Variants in MTUS2 observed in about 807,000 individuals in gnomAD.
MTUS2 encodes microtubule associated scaffold protein 2.
In MTUS2, 40 loss-of-function variants were observed where a neutral mutation model predicts 114.1. The observed-to-expected ratio is 0.35, with a 90% confidence interval of 0.27 to 0.46. The LOEUF is 0.46. MTUS2 is among the 20% of genes least tolerant of loss of function. MTUS2 has a pLI of 1.00. For synonymous variants in MTUS2, 688 were observed against 672.0 expected (o/e 1.02, Z -0.37); for missense variants, 1,679 against 1,705.4 (o/e 0.98, Z 0.27).
chr13:28,986,696 C>G (rs992278218), intron 2 of MTUS2, among the ~76,000 whole-genome samples: 16 of 152,154 alleles, frequency 1.1e-4, no homozygotes, highest in Admixed American at 7.2e-4. Context: ...TATTACTATT[C>G]CCTTTGTGAA....
chr13:28,983,604 T>G (rs1344922555), intron 2 of MTUS2, among the ~76,000 whole-genome samples: 1 of 152,266 alleles, frequency 6.6e-6, no homozygotes, highest in Non-Finnish European at 1.5e-5. Flanking sequence ...TAAAATTTCA[T>G]GGATGGCTTT....
intron 7 of MTUS2, among the ~76,000 whole-genome samples, chr13:29,359,027 G>A (rs1205156943): frequency 6.6e-6 from 1 of 150,768 alleles, no homozygotes; most frequent in Non-Finnish European, 1.5e-5. Flanking sequence ...AAGGAATTTG[G>A]CAATTTTGTC....
intron 2 of MTUS2, among the ~76,000 whole-genome samples, chr13:29,019,738 G>T (rs1342016445): frequency 6.6e-6 from 1 of 152,202 alleles, no homozygotes; most frequent in Non-Finnish European, 1.5e-5. Flanking sequence ...AGAATGGAAG[G>T]CTTGCTTTCT....
intron 2 of MTUS2, among the ~76,000 whole-genome samples, chr13:28,971,118 T>C (rs1365563636): frequency 1.3e-5 from 2 of 152,172 alleles, no homozygotes; most frequent in African/African-American, 2.4e-5. Flanking sequence ...AAAGTAGAGA[T>C]TGGTGTTGGA....
chr13:29,121,969 A>G (rs113056688), intron 5 of MTUS2, among the ~76,000 whole-genome samples: 374 of 151,856 alleles, frequency 2.5e-3, no homozygotes, highest in African/African-American at 8.6e-3. Flanking sequence ...CCACTTTTTC[A>G]CTTCTAAAAA....
At chr13:29,483,306 CG>C (rs1416814191) in intron 10 of MTUS2, among the ~76,000 whole-genome samples, 1 of 152,220 alleles carries the variant, frequency 6.6e-6, no homozygotes, top group Non-Finnish European at 1.5e-5. Flanking sequence ...TGGGACTCGC[CG>C]GCCGAGGCAG....
chr13:28,944,035 A>G (rs1882384222), intron 2 of MTUS2, among the ~76,000 whole-genome samples: 1 of 152,018 alleles, frequency 6.6e-6, no homozygotes, highest in South Asian at 2.1e-4. Context: ...TACGTAGGCA[A>G]GTCTGTGGTT....
chr13:29,401,605 C>A (rs749566245), intron 8 of MTUS2, among the ~76,000 whole-genome samples: 2 of 152,146 alleles, frequency 1.3e-5, no homozygotes, highest in Non-Finnish European at 2.9e-5. Context: ...ATTGAATACT[C>A]CAGCATCCCC....
chr13:29,329,185 G>C (rs1203819390), intron 7 of MTUS2, among the ~76,000 whole-genome samples: 1 of 152,084 alleles, frequency 6.6e-6, no homozygotes, highest in African/African-American at 2.4e-5. Context: ...AGGATGTGCA[G>C]GTTTGTTACA....
chr13:28,882,902 G>A (rs138177545), intron 2 of MTUS2, among the ~76,000 whole-genome samples: 243 of 152,224 alleles, frequency 1.6e-3, no homozygotes, highest in Non-Finnish European at 3.1e-3. Context: ...TAATCCATAC[G>A]TCCAAAAATA....
intron 2 of MTUS2, among the ~76,000 whole-genome samples, chr13:29,013,739 C>T (rs567035231): frequency 1.3e-4 from 19 of 151,964 alleles, no homozygotes; most frequent in South Asian, 6.3e-4. Context: ...TGTGAGTGGC[C>T]GCAGGCCAGC....
chr13:29,504,356 C>T lies in MTUS2; in HGVS notation c.*1150C>T, dbSNP rs1883096538. 4.3e-6 allele frequency: 1 copy of T among 230,922 alleles called. No homozygotes were observed. The highest frequency in any genetic ancestry group is 2.2e-5 in the African/African-American group (1 of 44,760). 14.3% of individuals were successfully genotyped at this position (230,922 alleles called of 1,614,324 possible). On this transcript the variant is annotated 3_prime_UTR_variant, in exon 16 of 16. Coordinates refer to ENST00000612955, the MANE Select transcript of MTUS2 (RefSeq NM_001033602.4). ...TCTACAACTCAACCCCTTCACTGCA[C>T]ATTGAGATGGCTCAGGGGTTCTAGC...
At position 29,024,916 on chromosome 13, in the gene MTUS2, A is replaced by G; in HGVS notation, c.218A>G (p.His73Arg). Residue 73 changes from histidine (H) to arginine (R), a missense_variant, in exon 3 of 16, where the codon CAT becomes CGT. His to Arg is a conservative substitution (Grantham distance 29, BLOSUM62 0). Around this residue, in one of 3 missense-constraint regions of MTUS2, gnomAD observed 843 missense variants for 770.8 expected, o/e 1.09. Coordinates refer to ENST00000612955, the MANE Select transcript of MTUS2 (RefSeq NM_001033602.4). Reference sequence around the variant, plus strand: ...TCAAGTGAGCCAGAAAACCGTACCCATTTCCATAAGGAATTTCACCAACTT... The same window carrying G: ...TCAAGTGAGCCAGAAAACCGTACCCGTTTCCATAAGGAATTTCACCAACTT... ...TNSSEPENRT[H>R]FHKEFHQLQG... 1 of 1,613,848 alleles carries G rather than the reference A, an allele frequency of 6.2e-7. No individual in the cohort carries two copies. The highest frequency in any genetic ancestry group is 8.5e-7 in the Non-Finnish European group (1 of 1,179,858).
At chr13:29,145,154 T>C (rs913446011) in intron 5 of MTUS2, among the ~76,000 whole-genome samples, 5 of 152,334 alleles carry the variant, frequency 3.3e-5, no homozygotes, top group African/African-American at 1.2e-4. Context: ...ATTACTATTG[T>C]AATTATTGGT....
intron 4 of MTUS2, among the ~76,000 whole-genome samples, chr13:29,067,919 G>A (rs1277541136): frequency 6.7e-6 from 1 of 148,880 alleles, no homozygotes; most frequent in Non-Finnish European, 1.5e-5. Context: ...AACAGAGTGG[G>A]CAAAGATTCC....
intron 4 of MTUS2, among the ~76,000 whole-genome samples, chr13:29,077,567 T>G (rs955867827): frequency 1.3e-5 from 2 of 152,202 alleles, no homozygotes; most frequent in Admixed American, 1.3e-4. Context: ...GCACTTACTC[T>G]CACCTCTATT....
chr13:29,465,762 G>A (rs908009280), intron 9 of MTUS2, among the ~76,000 whole-genome samples: 2 of 152,154 alleles, frequency 1.3e-5, no homozygotes, highest in Non-Finnish European at 2.9e-5. Flanking sequence ...TGGGGGCTTC[G>A]TGAACATAAA....
At chr13:29,420,341 G>A (rs942933463) in intron 8 of MTUS2, among the ~76,000 whole-genome samples, 44 of 148,996 alleles carry the variant, frequency 3.0e-4, no homozygotes, top group Admixed American at 1.9e-3. Context: ...GCAGTGGTGC[G>A]ATCTCAGCTC....
Position 28,908,934 on chromosome 13 carries a change from T to G in MTUS2, c.-243+69084T>G, listed in dbSNP as rs191012943. Among the ~76,000 whole-genome samples, 126 of 151,796 alleles carry G rather than the reference T, an allele frequency of 8.3e-4. 2 individuals are homozygous for G. The highest frequency in any genetic ancestry group is 3.0e-3 in the African/African-American group (123 of 41,250). Reference sequence around the variant, plus strand: ...GCTAGCCAGTTTTCCCAGCACCATTTATTAAATAGGGAATCCTTTCCCCAT... The same window carrying G: ...GCTAGCCAGTTTTCCCAGCACCATTGATTAAATAGGGAATCCTTTCCCCAT... On this transcript the variant is annotated intron_variant, in intron 2 of 15. Transcript: ENST00000612955.
Sources: allele counts gnomAD v4.1 joint callset (sites outside exome capture counted in the v4.1 genomes callset), GRCh38; gene constraint gnomAD v4.1.1; regional missense constraint gnomAD v4.1.1; transcripts MANE v1.5; gene names NCBI Gene and HGNC (gene_info 2026-07-23, HGNC 2026-07-21).